ME3: variants seen among roughly 807,000 people sequenced by gnomAD.
ME3 encodes the protein malic enzyme 3.
ME3 carries 48 observed loss-of-function variants against 68.9 expected under a neutral mutation model. The ratio of observed to expected loss-of-function variants is 0.70; its 90% confidence interval spans 0.55 to 0.89. The LOEUF is 0.89. ME3 is among the 40% of genes least tolerant of loss of function. ME3 has a pLI of 0.00. For missense variants in ME3, 675 were observed against 797.4 expected (o/e 0.85, Z 1.85); for synonymous variants, 320 against 318.8 (o/e 1.00, Z -0.04).
chr11:86,530,336 A>G (rs924187001), intron 4 of ME3, among the ~76,000 whole-genome samples: 19 of 152,314 alleles, frequency 1.2e-4, no homozygotes, highest in African/African-American at 4.3e-4. Flanking sequence ...CCACTGCTCA[A>G]TGAAATAAAA....
At chr11:86,611,121 A>G (rs1453761590) in intron 2 of ME3, among the ~76,000 whole-genome samples, 1 of 152,160 alleles carries the variant, frequency 6.6e-6, no homozygotes, top group East Asian at 1.9e-4. Context: ...GGAGGACATT[A>G]AGTTAAGTGA....
At chr11:86,441,044 A>G, downstream of ME3, 1 of 341,422 alleles carries the variant, frequency 2.9e-6, no homozygotes, top group African/African-American at 2.1e-5. Flanking sequence ...TTGGTGATTA[A>G]TGGTTGAAGA....
chr11:86,627,387 C>A (rs544416679), intron 2 of ME3, among the ~76,000 whole-genome samples: 1 of 152,272 alleles, frequency 6.6e-6, no homozygotes, highest in South Asian at 2.1e-4. Context: ...GGATTTCCGA[C>A]AAAATTGCAA....
intron 2 of ME3, among the ~76,000 whole-genome samples, chr11:86,669,179 CCT>C (rs1389732777): frequency 6.6e-6 from 1 of 152,148 alleles, no homozygotes; most frequent in African/African-American, 2.4e-5. Flanking sequence ...GGAAGCACTC[CCT>C]CTGTTGCTCC....
chr11:86,484,796 G>A (rs957886833), intron 7 of ME3, among the ~76,000 whole-genome samples: 10 of 152,332 alleles, frequency 6.6e-5, no homozygotes, highest in African/African-American at 1.9e-4. Flanking sequence ...TGTACTTGGA[G>A]TCAGTAGTCC....
chr11:86,540,341 C>T (rs530364289), intron 4 of ME3, among the ~76,000 whole-genome samples: 1 of 152,324 alleles, frequency 6.6e-6, no homozygotes, highest in South Asian at 2.1e-4. Context: ...CCTATCCAGT[C>T]TACCGCTACT....
At chr11:86,518,056 T>C (rs781731888) in intron 4 of ME3, among the ~76,000 whole-genome samples, 7 of 152,178 alleles carry the variant, frequency 4.6e-5, no homozygotes, top group Non-Finnish European at 8.8e-5. Context: ...TTACTTATGG[T>C]AGAGAGTGGA....
intron 8 of ME3, among the ~76,000 whole-genome samples, chr11:86,461,025 G>A (rs374519423): frequency 3.7e-4 from 57 of 152,344 alleles, no homozygotes; most frequent in African/African-American, 1.3e-3. Context: ...GGAACGATGG[G>A]GAGGGCAGGA....
intron 2 of ME3, among the ~76,000 whole-genome samples, chr11:86,612,432 A>G (rs1485889311): frequency 6.6e-6 from 1 of 152,138 alleles, no homozygotes; most frequent in Non-Finnish European, 1.5e-5. Context: ...ATATCCAGTA[A>G]TGGGATTGCT....
intron 2 of ME3, among the ~76,000 whole-genome samples, chr11:86,598,297 A>G (rs112673372): frequency 0.019 from 2,914 of 152,308 alleles, 38 homozygotes; most frequent in Non-Finnish European, 0.03. Flanking sequence ...AGGAGATTAT[A>G]TCCCGCACCT....
chr11:86,578,492 G>T (rs1022983036), intron 2 of ME3, among the ~76,000 whole-genome samples: 3 of 152,250 alleles, frequency 2.0e-5, no homozygotes, highest in East Asian at 3.9e-4. Flanking sequence ...AGTGGGCGGG[G>T]TGCCAGAACT....
intron 5 of ME3, among the ~76,000 whole-genome samples, chr11:86,498,893 A>C (rs753366368): frequency 2.6e-5 from 4 of 152,226 alleles, no homozygotes; most frequent in Admixed American, 6.5e-5. Flanking sequence ...ACTGTGACAA[A>C]TTCTGTGGGA....
chr11:86,638,080 C>T (rs1396063213), intron 2 of ME3, among the ~76,000 whole-genome samples: 1 of 152,026 alleles, frequency 6.6e-6, no homozygotes, highest in African/African-American at 2.4e-5. Context: ...CCCACAGGAG[C>T]CCCCCAGGCC....
At chr11:86,656,232 A>T (rs905008520) in intron 2 of ME3, among the ~76,000 whole-genome samples, 6 of 151,844 alleles carry the variant, frequency 4.0e-5, no homozygotes, top group Non-Finnish European at 5.9e-5. Context: ...CATTTGACCC[A>T]GCCATCCCAT....
intron 2 of ME3, among the ~76,000 whole-genome samples, chr11:86,564,875 A>G (rs1451395847): frequency 6.6e-6 from 1 of 152,222 alleles, no homozygotes; most frequent in Non-Finnish European, 1.5e-5. Flanking sequence ...AAGTCTGTGC[A>G]TCAAAGGATA....
Position 86,475,223 on chromosome 11 carries a change from G to A in ME3, c.810-10023C>T, listed in dbSNP as rs137860447. On this transcript the variant is annotated intron_variant, in intron 7 of 14. Transcript: ENST00000543262. ...TGAATGGTTTAGTACCATCCCTCTG[G>A]GTACTGTCCTCGTGATAGTGAGTTG... 2.0e-5 allele frequency among the ~76,000 whole-genome samples: 3 copies of A among 152,192 alleles called. No homozygotes were observed. The East Asian group carries it at 5.8e-4, about 29-fold the overall frequency.
chr11:86,585,860 AAGG>A (rs1040465398), intron 2 of ME3, among the ~76,000 whole-genome samples: 12 of 152,250 alleles, frequency 7.9e-5, no homozygotes, highest in African/African-American at 2.2e-4. Flanking sequence ...GGAAAGAAAG[AAGG>A]AGAACCACAA....
At chr11:86,552,144 A>C (rs1373871229) in intron 4 of ME3, among the ~76,000 whole-genome samples, 1 of 152,180 alleles carries the variant, frequency 6.6e-6, no homozygotes, top group Non-Finnish European at 1.5e-5. Flanking sequence ...GGCCCTTTAC[A>C]TTTGGAATCT....
chr11:86,562,927 G>T (rs938811203), intron 2 of ME3, among the ~76,000 whole-genome samples: 5 of 152,102 alleles, frequency 3.3e-5, no homozygotes, highest in Middle Eastern at 3.4e-3. Context: ...GTGGTATTTG[G>T]ATTTCTGTTC....
Sources: gnomAD v4.1 joint callset for allele counts (sites outside exome capture counted in the v4.1 genomes callset) on GRCh38, gnomAD v4.1.1 for gene constraint, MANE v1.5 for transcripts, NCBI Gene and HGNC (gene_info 2026-07-23, HGNC 2026-07-21) for gene names.